Variants in RAB31 observed in about 807,000 individuals in gnomAD.
RAB31 encodes RAB31, member RAS oncogene family, also known as ras-related protein Rab-31.
In RAB31, 21 loss-of-function variants were observed where a neutral mutation model predicts 25.6. The ratio of observed to expected loss-of-function variants is 0.82; its 90% CI spans 0.58 to 1.18. The LOEUF is 1.18. Among genes scored for constraint, RAB31 ranks in the 50% most tolerant of loss-of-function variants. The probability of loss-of-function intolerance (pLI) is 0.00; values close to 1 mark genes in which losing one functional copy is unlikely to be tolerated. For synonymous variants in RAB31, 87 were observed against 84.0 expected, an observed-to-expected ratio of 1.04 and a Z score of -0.20; for missense variants, 196 against 250.1, an observed-to-expected ratio of 0.78 and a Z score of 1.46.
At chr18:9,857,826 G>C (rs2068826688) in intron 6 of RAB31, among the ~76,000 whole-genome samples, 1 of 150,478 alleles carries the variant, frequency 6.6e-6, no homozygotes, top group Non-Finnish European at 1.5e-5. Flanking sequence ...CCAGGAGTTT[G>C]AGACCAGCCT....
intron 5 of RAB31, among the ~76,000 whole-genome samples, chr18:9,844,273 G>C (rs978845778): frequency 1.3e-5 from 2 of 151,962 alleles, no homozygotes; most frequent in Non-Finnish European, 2.9e-5. Flanking sequence ...CTCTCCATTC[G>C]GGCCCGTGTC....
At chr18:9,713,859 C>T (rs1225283338) in intron 1 of RAB31, among the ~76,000 whole-genome samples, 1 of 152,198 alleles carries the variant, frequency 6.6e-6, no homozygotes, top group East Asian at 1.9e-4. Flanking sequence ...CTTGCTGTAA[C>T]TTCACATGAC....
chr18:9,828,485 T>A (rs974880909), intron 5 of RAB31, among the ~76,000 whole-genome samples: 1 of 152,194 alleles, frequency 6.6e-6, no homozygotes, highest in Admixed American at 6.5e-5. Flanking sequence ...AATCTATAGC[T>A]GGAAACCAGG....
At chr18:9,781,427 A>G (rs1599035903) in intron 2 of RAB31, among the ~76,000 whole-genome samples, 1 of 152,018 alleles carries the variant, frequency 6.6e-6, no homozygotes, top group East Asian at 1.9e-4. Flanking sequence ...AGCAATTCTC[A>G]TGCCTCAGCC....
At chr18:9,727,315 A>G (rs1487818573) in intron 1 of RAB31, among the ~76,000 whole-genome samples, 2 of 152,066 alleles carry the variant, frequency 1.3e-5, no homozygotes, top group African/African-American at 4.8e-5. Flanking sequence ...TATTACTTTT[A>G]TTTTGCTTTG....
At chr18:9,742,752 T>C (rs1220736136) in intron 1 of RAB31, among the ~76,000 whole-genome samples, 2 of 152,232 alleles carry the variant, frequency 1.3e-5, no homozygotes, top group African/African-American at 4.8e-5. Flanking sequence ...TCATGAGCAG[T>C]GCAGACGCCT....
At chr18:9,784,741 C>T (rs548687516) in intron 2 of RAB31, among the ~76,000 whole-genome samples, 176 of 151,496 alleles carry the variant, frequency 1.2e-3, no homozygotes, top group Non-Finnish European at 2.0e-3. Flanking sequence ...ATAGTAGAGA[C>T]GTGGTTTTGC....
intron 1 of RAB31, among the ~76,000 whole-genome samples, chr18:9,742,767 C>T (rs1219505464): frequency 4.6e-5 from 7 of 152,122 alleles, no homozygotes; most frequent in Non-Finnish European, 5.9e-5. Context: ...ACGCCTTCTC[C>T]GGACAGTTTG....
chr18:9,766,017 C>A lies in RAB31; in HGVS notation c.40-9261C>A, dbSNP rs1200838268. On this transcript the variant is annotated intron_variant, in intron 1 of 6. Transcript: ENST00000578921. This position sits in a 1 kb window ranked among gnomAD's most constrained non-coding sequence, Gnocchi z 4.3. ...CCTTAGGCAAAGCTTCAAAAAAGTG[C>A]TTTGTGGGTTAATATGGAATTTGTG... is the stretch of plus-strand genomic sequence containing the variant. Among the ~76,000 whole-genome samples, 1 of 151,976 alleles carries A rather than the reference C, an allele frequency of 6.6e-6. No individual in the cohort carries two copies. Among genetic ancestry groups the A allele is most frequent in the Non-Finnish European group, 1.5e-5 (1 of 67,992 alleles).
intron 2 of RAB31, among the ~76,000 whole-genome samples, chr18:9,782,097 C>A (rs145534102): frequency 1.5e-4 from 22 of 151,136 alleles, no homozygotes; most frequent in African/African-American, 5.4e-4. Context: ...GCATGGGTGG[C>A]CAGGCCTCCC....
chr18:9,814,190 C>T (rs16955689), intron 4 of RAB31, 99 bp downstream of exon 4: 58,330 of 820,510 alleles, frequency 0.071, 3,771 homozygotes, highest in East Asian at 0.33. Flanking sequence ...TTGCCAGTAG[C>T]GTGCCACTAT....
rs1015007142 is a variant in RAB31 at position 9,708,697 on chromosome 18, C to A, written c.39+253C>A. Among the ~76,000 whole-genome samples the A allele has an allele frequency of 2.6e-5, 4 of 152,028 alleles. No individual in the cohort carries two copies. Among genetic ancestry groups the A allele is most frequent in the Non-Finnish European group, 4.4e-5 (3 of 68,002 alleles). On this transcript the variant is annotated intron_variant, in intron 1 of 6. Coordinates refer to ENST00000578921, the MANE Select transcript of RAB31 (RefSeq NM_006868.4). The surrounding 1 kb of genome is among the most constrained non-coding windows in gnomAD (Gnocchi z 6.4). ...TCTCCGCCTCCCCGCCGTCCGTGCG[C>A]CCCTCTGGTCCGCCCCCGCTCTCAC...
chr18:9,731,126 T>G (rs995423774), intron 1 of RAB31, among the ~76,000 whole-genome samples: 2 of 152,184 alleles, frequency 1.3e-5, no homozygotes, highest in Admixed American at 6.5e-5. Flanking sequence ...TTTTTGTTTT[T>G]GAGATGGGGG....
At position 9,862,415 on chromosome 18, in the gene RAB31, A is replaced by T. The variant is rs2068852906; in HGVS notation, c.*3090A>T. ...GACCCAGTTCTTGCACATACAAGACACCGCTGCAGTCAGCTAGGACCTTTC... is the reference window on the plus strand; with the variant it reads ...GACCCAGTTCTTGCACATACAAGACTCCGCTGCAGTCAGCTAGGACCTTTC... On this transcript the variant is annotated 3_prime_UTR_variant, in exon 7 of 7. Coordinates refer to ENST00000578921, the MANE Select transcript of RAB31 (RefSeq NM_006868.4). 1 of 152,248 alleles carries T rather than the reference A, an allele frequency of 6.6e-6. No individual in the cohort carries two copies. The highest frequency in any genetic ancestry group is 1.5e-5 in the Non-Finnish European group (1 of 68,050). 9.4% of individuals were successfully genotyped at this position (152,248 alleles called of 1,614,324 possible).
intron 3 of RAB31, among the ~76,000 whole-genome samples, chr18:9,794,936 C>G (rs8095701): frequency 0.022 from 3,402 of 152,198 alleles, 121 homozygotes; most frequent in African/African-American, 0.078. Context: ...ATAGCCAAAG[C>G]AAGACTAAGC....
chr18:9,738,834 T>C (rs1327242616), intron 1 of RAB31, among the ~76,000 whole-genome samples: 1 of 152,186 alleles, frequency 6.6e-6, no homozygotes, highest in African/African-American at 2.4e-5. Context: ...GGCAGCCTTG[T>C]AGGACTCAGC....
chr18:9,784,256 T>C (rs972509731), intron 2 of RAB31, among the ~76,000 whole-genome samples: 1 of 151,792 alleles, frequency 6.6e-6, no homozygotes, highest in African/African-American at 2.4e-5. Context: ...CCAAGGCTGG[T>C]CTTGAACTCC....
At chr18:9,853,069 G>T (rs528022619) in intron 6 of RAB31, among the ~76,000 whole-genome samples, 4 of 152,044 alleles carry the variant, frequency 2.6e-5, no homozygotes, top group African/African-American at 7.2e-5. Flanking sequence ...TTTTGTAATG[G>T]GTCGTTTGTC....
intron 5 of RAB31, among the ~76,000 whole-genome samples, chr18:9,836,825 G>A (rs2068707320): frequency 6.6e-6 from 1 of 151,404 alleles, no homozygotes; most frequent in Non-Finnish European, 1.5e-5. Context: ...GATTCAGTGT[G>A]TGAGGAACGG....
Sources: allele counts gnomAD v4.1 joint callset (sites outside exome capture counted in the v4.1 genomes callset), GRCh38; gene constraint gnomAD v4.1.1; non-coding constraint Gnocchi (gnomAD v3.1); transcripts MANE v1.5; gene names NCBI Gene and HGNC (gene_info 2026-07-23, HGNC 2026-07-21).